Variants in TMEFF1 observed in about 807,000 individuals in gnomAD.
TMEFF1 encodes tomoregulin-1.
TMEFF1 carries 20 observed loss-of-function variants against 47.5 expected under a neutral mutation model. The ratio of observed to expected loss-of-function variants is 0.42; its 90% CI spans 0.30 to 0.61. The LOEUF (loss-of-function observed/expected upper bound fraction) is 0.61. TMEFF1 is among the 20% of genes least tolerant of loss of function. The pLI is 0.19. For synonymous variants in TMEFF1, 162 were observed against 166.3 expected (o/e 0.97, Z 0.20); for missense variants, 411 against 471.1 (o/e 0.87, Z 1.18).
chr9:100,522,579 G>A lies in TMEFF1; in HGVS notation c.560+5808G>A, dbSNP rs181478487. Among the ~76,000 whole-genome samples the A allele has an allele frequency of 2.3e-3, 354 of 151,536 alleles. 2 individuals are homozygous for A. The highest frequency in any genetic ancestry group is 8.0e-3 in the African/African-American group (332 of 41,304). On this transcript the variant is annotated intron_variant, in intron 5 of 9. Transcript: ENST00000374879. ...AGCCTCCCAAGGAGCTGGGATTACAGGTACCTGCCACCACGCCTGGCTAAT... is the reference window on the plus strand; with the variant it reads ...AGCCTCCCAAGGAGCTGGGATTACAAGTACCTGCCACCACGCCTGGCTAAT...
chr9:100,477,589 C>G (rs1455632282), intron 1 of TMEFF1, among the ~76,000 whole-genome samples: 3 of 151,360 alleles, frequency 2.0e-5, no homozygotes, highest in African/African-American at 7.3e-5. Context: ...GCAGGTTTAC[C>G]CACAGATGTT....
intron 6 of TMEFF1, among the ~76,000 whole-genome samples, chr9:100,549,425 G>A (rs1245974865): frequency 6.6e-6 from 1 of 152,156 alleles, no homozygotes; most frequent in African/African-American, 2.4e-5. Context: ...CGGCATTTGG[G>A]CAGGGACACA....
chr9:100,486,371 T>G (rs544654717), intron 1 of TMEFF1, among the ~76,000 whole-genome samples: 1 of 152,286 alleles, frequency 6.6e-6, no homozygotes, highest in South Asian at 2.1e-4. Flanking sequence ...GCCTCCTGAG[T>G]AGCTGGGATT....
intron 3 of TMEFF1, among the ~76,000 whole-genome samples, chr9:100,510,565 G>T (rs1837942553): frequency 6.6e-6 from 1 of 152,136 alleles, no homozygotes; most frequent in African/African-American, 2.4e-5. Context: ...GACCTCCCAG[G>T]CTCAAGGGAT....
At chr9:100,543,704 A>AACACACAC (rs36046142) in intron 5 of TMEFF1, among the ~76,000 whole-genome samples, 1,601 of 138,904 alleles carry the variant, frequency 0.012, 27 homozygotes, top group African/African-American at 0.034. Context: ...GATGAAGTAA[A>AACACACAC]ACACACACAC....
intron 5 of TMEFF1, among the ~76,000 whole-genome samples, chr9:100,534,748 A>T (rs73655587): frequency 1.3e-5 from 2 of 152,142 alleles, no homozygotes; most frequent in African/African-American, 4.8e-5. Flanking sequence ...CATACATTTG[A>T]TCAAGGCATT....
intron 5 of TMEFF1, among the ~76,000 whole-genome samples, chr9:100,519,556 A>G (rs375230431): frequency 6.6e-6 from 1 of 150,886 alleles, no homozygotes. Context: ...TTTTCTTACC[A>G]TCTGCCTCTT....
At chr9:100,502,764 A>G (rs911957022) in intron 2 of TMEFF1, among the ~76,000 whole-genome samples, 56 of 152,220 alleles carry the variant, frequency 3.7e-4, no homozygotes, top group Non-Finnish European at 8.8e-5. Flanking sequence ...ACAGCTAGAA[A>G]ATCCTTCCAT....
chr9:100,570,899 C>T (rs180687385), intron 8 of TMEFF1, among the ~76,000 whole-genome samples: 7 of 152,234 alleles, frequency 4.6e-5, no homozygotes, highest in African/African-American at 7.2e-5. Flanking sequence ...AATCAGTTCT[C>T]ACTGAAGGCT....
In TMEFF1 at chr9:100,473,786, G is replaced by A; in HGVS notation, c.196+46G>A. On this transcript the variant is annotated intron_variant, in intron 1 of 9. Transcript: ENST00000374879. The surrounding 1 kb of genome is among the most constrained non-coding windows in gnomAD (Gnocchi z 5.4). ...CCCTAGGTCTTCCCACCCCTCCGTT[G>A]CCGCCTCCCTCGTGGTCCCTGCGGT... 7.0e-7 allele frequency: 1 copy of A among 1,431,236 alleles called. No homozygotes were observed. The highest frequency in any genetic ancestry group is 9.2e-7 in the Non-Finnish European group (1 of 1,082,996). 88.7% of individuals were successfully genotyped at this position (1,431,236 alleles called of 1,614,324 possible).
chr9:100,513,183 A>C, intron 3 of TMEFF1, 124 bp from the exon 4 acceptor site: 1 of 1,330,518 alleles, frequency 7.5e-7, no homozygotes, highest in Non-Finnish European at 1.0e-6. Flanking sequence ...GATATCAAAA[A>C]TATGAGAAAA....
chr9:100,475,821 AG>A (rs1046590094), intron 1 of TMEFF1, among the ~76,000 whole-genome samples: 16 of 150,340 alleles, frequency 1.1e-4, no homozygotes, highest in Non-Finnish European at 1.9e-4. Context: ...GGAAAGTCCC[AG>A]GGCCGGAGAA....
intron 8 of TMEFF1, among the ~76,000 whole-genome samples, chr9:100,568,595 T>TTC (rs141373733): frequency 6.7e-6 from 1 of 149,512 alleles, no homozygotes; most frequent in Non-Finnish European, 1.5e-5. Flanking sequence ...TCCCTCCCTC[T>TTC]CTTCCTTCCT....
At chr9:100,521,882 C>G (rs1838167219) in intron 5 of TMEFF1, among the ~76,000 whole-genome samples, 4 of 152,148 alleles carry the variant, frequency 2.6e-5, no homozygotes, top group African/African-American at 9.7e-5. Context: ...CATTTATCCC[C>G]CTGAGTGATA....
intron 1 of TMEFF1, among the ~76,000 whole-genome samples, chr9:100,476,294 C>T (rs917034451): frequency 1.4e-3 from 208 of 152,226 alleles, no homozygotes; most frequent in African/African-American, 4.8e-3. Context: ...CATGTTAATA[C>T]AGTCTGGACA....
intron 1 of TMEFF1, among the ~76,000 whole-genome samples, chr9:100,489,619 C>G (rs951722062): frequency 4.6e-5 from 7 of 151,582 alleles, no homozygotes; most frequent in African/African-American, 1.5e-4. Context: ...TAAATTCTAC[C>G]GAGAGATAAC....
In TMEFF1 at chr9:100,490,513, T is replaced by C. The variant is rs370995575; in HGVS notation, c.197-8252T>C. Among the ~76,000 whole-genome samples, 69 of 152,338 alleles carry C rather than the reference T, an allele frequency of 4.5e-4. No individual in the cohort carries two copies. The South Asian group carries it at 0.014, about 31-fold the overall frequency. On this transcript the variant is annotated intron_variant, in intron 1 of 9. Transcript: ENST00000374879. ...GGAAAAGAAAAAAAGTGAATATTTGTTGTATAACTACTTGTTTTAGGCACG... is the reference window on the plus strand; with the variant it reads ...GGAAAAGAAAAAAAGTGAATATTTGCTGTATAACTACTTGTTTTAGGCACG...
chr9:100,506,766 C>CAA (rs58345253), intron 2 of TMEFF1, among the ~76,000 whole-genome samples: 2,292 of 42,862 alleles, frequency 0.053, 125 homozygotes, highest in East Asian at 0.27. Context: ...GACTCCATCT[C>CAA]AAAAAAAAAA....
At chr9:100,551,565 G>C (rs564215603) in intron 7 of TMEFF1, among the ~76,000 whole-genome samples, 1 of 152,192 alleles carries the variant, frequency 6.6e-6, no homozygotes, top group Non-Finnish European at 1.5e-5. Context: ...TTGGGGAATT[G>C]TGTGTTCTAA....
Sources: gnomAD v4.1 joint callset for allele counts (sites outside exome capture counted in the v4.1 genomes callset) on GRCh38, gnomAD v4.1.1 for gene constraint, Gnocchi (gnomAD v3.1) non-coding constraint, MANE v1.5 for transcripts, NCBI Gene and HGNC (gene_info 2026-07-23, HGNC 2026-07-21) for gene names.